The following ATR variants were observed in gnomAD, a reference collection of about 807,000 sequenced individuals.
ATR encodes the protein serine/threonine-protein kinase ATR.
Under a neutral mutation model 305.3 loss-of-function variants are expected in ATR, and 142 were observed. The ratio of observed to expected loss-of-function variants is 0.47; its 90% CI spans 0.41 to 0.53. The LOEUF (loss-of-function observed/expected upper bound fraction) is 0.53, where lower values mean the gene tolerates loss of function less well. Ranked by LOEUF, ATR falls within the 20% of genes least tolerant of loss-of-function variation. The pLI is 0.00. For missense variants in ATR, 2,135 were observed against 3,133.1 expected (o/e 0.68, Z 7.60); for synonymous variants, 1,050 against 1,068.1 (o/e 0.98, Z 0.33).
intron 27 of ATR, among the ~76,000 whole-genome samples, 179 bp downstream of exon 27, chr3:142,512,081 G>A (rs953087069): frequency 6.6e-6 from 1 of 152,098 alleles, no homozygotes; most frequent in African/African-American, 2.4e-5. Flanking sequence ...TCACGCCACT[G>A]CACTCCAGCC....
chr3:142,534,945 C>G (rs1434028728), intron 21 of ATR, 135 bp downstream of exon 21: 5 of 978,434 alleles, frequency 5.1e-6, no homozygotes, highest in Non-Finnish European at 7.4e-6. Flanking sequence ...AATTCTCAGT[C>G]AGATCTGATA....
chr3:142,538,662 C>T (rs749347829), intron 18 of ATR, 37 bp from the exon 19 acceptor site: 6 of 1,610,576 alleles, frequency 3.7e-6, no homozygotes, highest in Middle Eastern at 1.7e-4. Flanking sequence ...AGTCCAATTA[C>T]TTTTATTATT....
intron 1 of ATR, among the ~76,000 whole-genome samples, chr3:142,569,127 T>C (rs190051557): frequency 6.6e-6 from 1 of 152,150 alleles, no homozygotes; most frequent in South Asian, 2.1e-4. Flanking sequence ...GGCCCACCCA[T>C]GACTGCCTAT....
intron 1 of ATR, among the ~76,000 whole-genome samples, chr3:142,573,450 T>C (rs1374524650): frequency 1.1e-5 from 1 of 91,040 alleles, no homozygotes; most frequent in Admixed American, 1.5e-4. Flanking sequence ...TGAGACTTCA[T>C]CTCAAAAAAA....
intron 20 of ATR, 79 bp downstream of exon 20, chr3:142,536,029 G>C (rs1453892425): frequency 2.0e-6 from 2 of 1,008,750 alleles, no homozygotes; most frequent in African/African-American, 1.6e-5. Context: ...GATCCTAAAG[G>C]ATCTTTATTT....
chr3:142,562,981 T>C lies in ATR; in HGVS notation c.421A>G (p.Ile141Val). 7 of 1,605,842 alleles carry C rather than the reference T, an allele frequency of 4.4e-6. No homozygotes were observed. The highest frequency in any genetic ancestry group is 2.2e-5 in the East Asian group (1 of 44,868). The change falls in exon 4 of 47, where the codon ATT becomes GTT. Residue 141 changes from isoleucine (I) to valine (V), a missense_variant. By Grantham distance (29) the Ile-to-Val change is conservative. This residue lies in a region of ATR where 744 missense variants were observed against 873.2 expected (regional missense o/e 0.85). Coordinates refer to ENST00000350721, the MANE Select transcript of ATR (RefSeq NM_001184.4). ...AATTCTTTTGTGAGTACCCCAAAAA[T>C]AGCAGGACTCTTGCTTTTAAAAAGA... ...LFLFKSKSPA[I>V]FGVLTKELLQ...
At chr3:142,487,931 A>G (rs1320177551) in intron 35 of ATR, among the ~76,000 whole-genome samples, 2 of 152,188 alleles carry the variant, frequency 1.3e-5, no homozygotes, top group African/African-American at 2.4e-5. Context: ...TATTGAAAAG[A>G]CTATTTTGGT....
intron 27 of ATR, 134 bp downstream of exon 27, chr3:142,512,126 C>A (rs2032603857): frequency 4.6e-6 from 4 of 860,564 alleles, no homozygotes; most frequent in Admixed American, 2.6e-5. Flanking sequence ...CTCCAAACAA[C>A]AACAACAACA....
At chr3:142,529,747 T>G (rs2033564158) in intron 21 of ATR, among the ~76,000 whole-genome samples, 1 of 152,204 alleles carries the variant, frequency 6.6e-6, no homozygotes, top group Non-Finnish European at 1.5e-5. Context: ...AATGCTGCTA[T>G]TTTCTAGGCC....
chr3:142,508,923 CAAAAAA>C (rs11453887), intron 27 of ATR, among the ~76,000 whole-genome samples: 6 of 118,288 alleles, frequency 5.1e-5, no homozygotes, highest in Admixed American at 4.6e-4. Context: ...GACTCCGTAT[CAAAAAA>C]AAAAAAAAAA....
In ATR at chr3:142,562,403, C is replaced by T. The variant is rs2108487158; in HGVS notation, c.999G>A (p.Val333=). ...GCAAATCAGACTTAAGCCGCATGAG[C>T]ACACCGTCTTCAAACATGACACAGA... ...EKLCVMFEDG[V]LMRLKSDLLK... Residue 333 remains valine (V), a synonymous_variant, in exon 4 of 47, where the codon GTG becomes GTA. Coordinates refer to ENST00000350721, the MANE Select transcript of ATR (RefSeq NM_001184.4). 11 of 1,614,122 alleles carry T rather than the reference C, an allele frequency of 6.8e-6. No individual in the cohort carries two copies. The highest frequency in any genetic ancestry group is 9.3e-6 in the Non-Finnish European group (11 of 1,180,010).
At chr3:142,570,674 C>T (rs2035230809) in intron 1 of ATR, among the ~76,000 whole-genome samples, 1 of 152,206 alleles carries the variant, frequency 6.6e-6, no homozygotes, top group Admixed American at 6.5e-5. Flanking sequence ...AGGTGTGAGC[C>T]ACCATGCCCG....
Position 142,562,933 on chromosome 3 carries a change from C to T in ATR, c.469G>A (p.Val157Ile). The T allele has an allele frequency of 1.2e-6, 2 of 1,613,116 alleles. No homozygotes were observed. Among genetic ancestry groups the T allele is most frequent in the Non-Finnish European group, 1.7e-6 (2 of 1,179,756 alleles). The part of the protein sequence containing the change: ...KELLQLFEDL[V>I]YLHRRNVMGH... ...ATCACATTTCTTCTATGGAGGTAAA[C>T]CAAGTCTTCAAAAAGTTGTAATAAT... Residue 157 changes from valine (V) to isoleucine (I), a missense_variant, in exon 4 of 47, where the codon GTT (valine) becomes ATT (isoleucine). Val to Ile is a conservative substitution (Grantham distance 29). Coordinates refer to ENST00000350721, the MANE Select transcript of ATR (RefSeq NM_001184.4).
In ATR at chr3:142,577,047, T is replaced by G. The variant is rs184911579; in HGVS notation, c.59+1599A>C. On this transcript the variant is annotated intron_variant, in intron 1 of 46. Transcript: ENST00000350721. ...CTTCAACTTCTCTGTCCCTTTTTCT[T>G]AAACAGTGGTAACACTTGTTTCATT... Among the ~76,000 whole-genome samples, 507 of 152,290 alleles carry G rather than the reference T, an allele frequency of 3.3e-3. 2 individuals carry two copies. Among genetic ancestry groups the G allele is most frequent in the Non-Finnish European group, 4.0e-3 (273 of 68,028 alleles).
At chr3:142,504,472 T>C (rs1033231679) in intron 29 of ATR, among the ~76,000 whole-genome samples, 2 of 152,102 alleles carry the variant, frequency 1.3e-5, no homozygotes, top group African/African-American at 2.4e-5. Context: ...GGGACCTTTT[T>C]TTTTTTTGAG....
chr3:142,496,592 T>C, intron 33 of ATR, 72 bp from the exon 34 acceptor site: 1 of 1,509,642 alleles, frequency 6.6e-7, no homozygotes, highest in South Asian at 1.1e-5. Flanking sequence ...CTTAAAACAA[T>C]TTAAATCTAG....
At chr3:142,450,598 G>A in intron 46 of ATR, 3 of 1,607,864 alleles carry the variant, frequency 1.9e-6, no homozygotes, top group Non-Finnish European at 8.5e-7. Flanking sequence ...TGAAGAACTT[G>A]CCATCTTAGG....
rs377689383 is a variant in ATR at position 142,536,128 on chromosome 3, C to G, written c.3799G>C (p.Val1267Leu). 2 of 1,584,324 alleles carry G rather than the reference C, an allele frequency of 1.3e-6. No homozygotes were observed. Among genetic ancestry groups the G allele is most frequent in the Non-Finnish European group, 1.7e-6 (2 of 1,153,486 alleles). ...DHPELKKIKA[V>L]LQEYRKETSE... Reference sequence around the variant, plus strand: ...AATACCTTTCTGTATTCCTGGAGAACGGCTTTTATCTTTTTTAATTCTGGA... The same window carrying G: ...AATACCTTTCTGTATTCCTGGAGAAGGGCTTTTATCTTTTTTAATTCTGGA... The change falls in exon 20 of 47, where the codon GTT becomes CTT. Residue 1267 changes from valine to leucine, a missense_variant. Physicochemically the swap from Val to Leu is conservative, Grantham distance 32. Around this residue, in one of 9 missense-constraint regions of ATR, gnomAD observed 530 missense variants for 766.8 expected, o/e 0.69. Coordinates refer to ENST00000350721, the MANE Select transcript of ATR (RefSeq NM_001184.4).
At chr3:142,513,276 T>C (rs557953156) in intron 26 of ATR, among the ~76,000 whole-genome samples, 2 of 152,318 alleles carry the variant, frequency 1.3e-5, no homozygotes, top group Non-Finnish European at 2.9e-5. Context: ...TAAGTTGGAA[T>C]AATTTTTGAA....
Sources: allele counts gnomAD v4.1 joint callset (sites outside exome capture counted in the v4.1 genomes callset), GRCh38; gene constraint gnomAD v4.1.1; regional missense constraint gnomAD v4.1.1; transcripts MANE v1.5; gene names NCBI Gene and HGNC (gene_info 2026-07-23, HGNC 2026-07-21).